The following SPATC1 variants were observed in gnomAD, a reference collection of about 807,000 sequenced individuals.
SPATC1 encodes the protein speriolin.
Under a neutral mutation model 36.5 loss-of-function variants are expected in SPATC1, and 35 were observed. The ratio of observed to expected loss-of-function variants is 0.96; its 90% CI spans 0.73 to 1.27. The LOEUF (loss-of-function observed/expected upper bound fraction) is 1.27. Among genes scored for constraint, SPATC1 ranks in the 50% most tolerant of loss-of-function variants. The probability of loss-of-function intolerance (pLI) is 0.00; values close to 1 mark genes in which losing one functional copy is unlikely to be tolerated. For missense variants in SPATC1, 779 were observed against 796.0 expected, an observed-to-expected ratio of 0.98 and a Z score of 0.26; for synonymous variants, 361 against 353.6, an observed-to-expected ratio of 1.02 and a Z score of -0.24.
At chr8:144,021,216 A>C in intron 1 of SPATC1, among the ~76,000 whole-genome samples, 1 of 119,824 alleles carries the variant, frequency 8.3e-6, no homozygotes, top group African/African-American at 3.2e-5. Context: ...CCCTCCCCTC[A>C]AGACCGCCTT....
intron 1 of SPATC1, among the ~76,000 whole-genome samples, chr8:144,019,166 C>A (rs934985028): frequency 6.6e-6 from 1 of 151,988 alleles, no homozygotes; most frequent in Admixed American, 6.6e-5. Flanking sequence ...CAGCAGCCAT[C>A]AATCTCCTGC....
rs1031131658 is a variant in SPATC1 at position 144,012,571 on chromosome 8, G to C, written c.56G>C (p.Arg19Pro). The C allele has an allele frequency of 6.4e-7, 1 of 1,551,724 alleles. No individual in the cohort carries two copies. Among genetic ancestry groups the C allele is most frequent in the Non-Finnish European group, 8.7e-7 (1 of 1,147,000 alleles). ...CGGCATCAGATAGAGAGGCTGGTGCGGGAAAATGAGGAACTGAAGAAGTTG... is the reference window on the plus strand; with the variant it reads ...CGGCATCAGATAGAGAGGCTGGTGCCGGAAAATGAGGAACTGAAGAAGTTG... ...GLRHQIERLV[R>P]ENEELKKLVR... Residue 19 changes from arginine to proline, a missense_variant, in exon 1 of 5, where the codon CGG (arginine) becomes CCG (proline). By Grantham distance (103) the Arg-to-Pro change is moderately radical. Coordinates refer to ENST00000377470, the MANE Select transcript of SPATC1 (RefSeq NM_198572.3).
At chr8:144,031,723 C>CTTTTTTTTT (rs1240016643) in intron 1 of SPATC1, among the ~76,000 whole-genome samples, 4 of 129,020 alleles carry the variant, frequency 3.1e-5, no homozygotes, top group South Asian at 2.4e-4. Flanking sequence ...TTCTTTCTTT[C>CTTTTTTTTT]TTTTTTTTTT....
At chr8:144,029,202 TAAAAAA>T (rs1165801794) in intron 1 of SPATC1, among the ~76,000 whole-genome samples, 143 of 28,154 alleles carry the variant, frequency 5.1e-3, no homozygotes, top group Non-Finnish European at 9.3e-3. Context: ...ACCCCAGAAC[TAAAAAA>T]AAAAAAAAAA....
chr8:144,045,271 A>T lies in SPATC1; in HGVS notation c.1447-1356A>T, dbSNP rs1042041321. ...TTGCCTAGAAGGCTCAGGAGCCAAG[A>T]ACCTCCAGCTGGGGAGAGACAGGCG... On this transcript the variant is annotated intron_variant, in intron 4 of 4. Coordinates refer to ENST00000377470, the MANE Select transcript of SPATC1 (RefSeq NM_198572.3). The surrounding 1 kb of genome is among the most constrained non-coding windows in gnomAD (Gnocchi z 5.2). Among the ~76,000 whole-genome samples the T allele has an allele frequency of 6.6e-6, 1 of 152,214 alleles. No individual in the cohort carries two copies. The highest frequency in any genetic ancestry group is 1.9e-4 in the East Asian group (1 of 5,194).
chr8:144,012,702 G>C lies in SPATC1; in HGVS notation c.187G>C (p.Gly63Arg), dbSNP rs536209558. 2.0e-5 allele frequency: 31 copies of C among 1,551,662 alleles called. No individual in the cohort carries two copies. In the East Asian group the frequency reaches 7.6e-4, roughly 38 times the overall value. ...FTSGLGEATA[G>R]LSSRQNNGVF... is the part of the protein sequence containing the mutation. ...GAGTGGGCTTGGTGAGGCAACAGCAGGCCTTTCCTCACGCCAGAACAATGG... is the reference window on the plus strand; with the variant it reads ...GAGTGGGCTTGGTGAGGCAACAGCACGCCTTTCCTCACGCCAGAACAATGG... Residue 63 changes from glycine to arginine, a missense_variant, in exon 1 of 5, where the codon GGC becomes CGC. Physicochemically the swap from Gly to Arg is moderately radical, Grantham distance 125. Transcript: ENST00000377470.
intron 1 of SPATC1, among the ~76,000 whole-genome samples, chr8:144,029,208 A>AT (rs1404897497): frequency 4.1e-5 from 6 of 146,808 alleles, no homozygotes; most frequent in African/African-American, 1.6e-4. Context: ...GAACTAAAAA[A>AT]AAAAAAAAAA....
intron 4 of SPATC1, among the ~76,000 whole-genome samples, chr8:144,043,778 C>T (rs1348061680): frequency 3.3e-5 from 5 of 150,978 alleles, no homozygotes; most frequent in East Asian, 3.9e-4. Flanking sequence ...ATTTGTAATG[C>T]GCCCACCCTG....
At chr8:144,014,013 G>A (rs1343970247) in intron 1 of SPATC1, among the ~76,000 whole-genome samples, 3 of 151,852 alleles carry the variant, frequency 2.0e-5, no homozygotes, top group Non-Finnish European at 4.4e-5. Context: ...CACTTTGGGA[G>A]GCCAAGGTGG....
intron 1 of SPATC1, among the ~76,000 whole-genome samples, chr8:144,013,588 C>T (rs782480463): frequency 5.9e-5 from 9 of 152,246 alleles, no homozygotes; most frequent in East Asian, 5.8e-4. Context: ...TTACTGATTA[C>T]GAGCACATAG....
At position 144,045,464 on chromosome 8, in the gene SPATC1, C is replaced by T. The variant is rs1287500206; in HGVS notation, c.1447-1163C>T. ...GTGGTGCCTGAACAGCTTGTGTGGGCAAGGAGTAGGGAAGAGTATTCCCTG... is the reference window on the plus strand; with the variant it reads ...GTGGTGCCTGAACAGCTTGTGTGGGTAAGGAGTAGGGAAGAGTATTCCCTG... On this transcript the variant is annotated intron_variant, in intron 4 of 4. Coordinates refer to ENST00000377470, the MANE Select transcript of SPATC1 (RefSeq NM_198572.3). The surrounding 1 kb of genome is among the most constrained non-coding windows in gnomAD (Gnocchi z 5.2). 1.3e-5 allele frequency among the ~76,000 whole-genome samples: 2 copies of T among 152,160 alleles called. No individual in the cohort carries two copies. The highest frequency in any genetic ancestry group is 4.8e-5 in the African/African-American group (2 of 41,430).
At chr8:144,041,599 G>A (rs1835102888) in intron 4 of SPATC1, among the ~76,000 whole-genome samples, 1 of 152,224 alleles carries the variant, frequency 6.6e-6, no homozygotes, top group South Asian at 2.1e-4. Context: ...TGGTCGGGCG[G>A]CTCTCCCCCT....
rs1554752652 is a variant in SPATC1, at chr8:144,012,767, G to A, written c.211+41G>A. ...CCCAAGAGAGTGAGGAGGGAAGTGG[G>A]GACTGCACCAGAGAGGAGAGACTCA... On this transcript the variant is annotated intron_variant, in intron 1 of 4. Transcript: ENST00000377470. The A allele has an allele frequency of 3.9e-6, 6 of 1,545,690 alleles. No individual in the cohort carries two copies. In the South Asian group the frequency reaches 6.0e-5, roughly 15 times the overall value.
In SPATC1 at chr8:144,026,316, G is replaced by A. The variant is rs1034949898; in HGVS notation, c.211+13590G>A. Among the ~76,000 whole-genome samples, 20 of 152,290 alleles carry A rather than the reference G, an allele frequency of 1.3e-4. No homozygotes were observed. In the South Asian group the frequency reaches 4.1e-3, roughly 32 times the overall value. On this transcript the variant is annotated intron_variant, in intron 1 of 4. Transcript: ENST00000377470. ...GCTTTTATGGCTGAATACTATTCCA[G>A]TGTATGGCTATATTACATTTTGTTT...
chr8:144,036,924 A>G (rs1834910403), intron 1 of SPATC1, among the ~76,000 whole-genome samples: 2 of 151,734 alleles, frequency 1.3e-5, no homozygotes, highest in Non-Finnish European at 2.9e-5. Context: ...CAATAGCACC[A>G]TTTGCAAAGA....
At chr8:144,040,497 G>A (rs116712479) in intron 2 of SPATC1, 34 bp downstream of exon 2, 2 of 1,532,622 alleles carry the variant, frequency 1.3e-6, no homozygotes, top group Non-Finnish European at 1.8e-6. Flanking sequence ...GTGGCAGAGT[G>A]GGGGGGGGCA....
At chr8:144,021,037 A>C in intron 1 of SPATC1, among the ~76,000 whole-genome samples, 1 of 428 alleles carries the variant, frequency 2.3e-3, no homozygotes. Context: ...TTCCCCCATC[A>C]GGACTCTCAT....
chr8:144,026,870 C>T (rs1330082384), intron 1 of SPATC1, among the ~76,000 whole-genome samples: 1 of 144,944 alleles, frequency 6.9e-6, no homozygotes, highest in Non-Finnish European at 1.5e-5. Flanking sequence ...AGTGCAGTGG[C>T]GCGATCTTGG....
chr8:144,041,116 C>A lies in SPATC1; in HGVS notation c.1306+9C>A. The A allele has an allele frequency of 6.3e-7, 1 of 1,579,460 alleles. No homozygotes were observed. On this transcript the variant is annotated intron_variant, in intron 3 of 4. Coordinates refer to ENST00000377470, the MANE Select transcript of SPATC1 (RefSeq NM_198572.3). ...CCCCGAGAACCCCCGAGGTCAGTGACACTGCGGGCTCCACGCGGGTCGGGC... is the reference window on the plus strand; with the variant it reads ...CCCCGAGAACCCCCGAGGTCAGTGAAACTGCGGGCTCCACGCGGGTCGGGC...
Sources: allele counts gnomAD v4.1 joint callset (sites outside exome capture counted in the v4.1 genomes callset), GRCh38; gene constraint gnomAD v4.1.1; non-coding constraint Gnocchi (gnomAD v3.1); transcripts MANE v1.5; gene names NCBI Gene and HGNC (gene_info 2026-07-23, HGNC 2026-07-21).